Variants in MEI4 observed in about 807,000 individuals in gnomAD.
MEI4 encodes the protein meiosis-specific protein MEI4.
Under a neutral mutation model 31.4 loss-of-function variants are expected in MEI4, and 27 were observed. The observed-to-expected ratio is 0.86, with a 90% confidence interval of 0.63 to 1.19. The LOEUF (loss-of-function observed/expected upper bound fraction) is 1.19, where lower values mean the gene tolerates loss of function less well. Among genes scored for constraint, MEI4 ranks in the 50% most tolerant of loss-of-function variants. MEI4 has a pLI of 0.00. For missense variants in MEI4, 329 were observed against 398.9 expected (o/e 0.82, Z 1.49); for synonymous variants, 122 against 145.4 (o/e 0.84, Z 1.16).
intron 4 of MEI4, among the ~76,000 whole-genome samples, chr6:77,849,989 T>C (rs1770577258): frequency 6.6e-6 from 1 of 152,210 alleles, no homozygotes; most frequent in Non-Finnish European, 1.5e-5. Context: ...AATAGCAATT[T>C]TATGTCTGTT....
At chr6:77,887,337 G>A (rs1347989122) in intron 4 of MEI4, among the ~76,000 whole-genome samples, 1 of 151,444 alleles carries the variant, frequency 6.6e-6, no homozygotes, top group Non-Finnish European at 1.5e-5. Context: ...TGTCGCCCAG[G>A]TTGGAGTGGA....
In MEI4 at chr6:77,924,828, A is replaced by G. The variant is rs865926832; in HGVS notation, c.*1482A>G. On this transcript the variant is annotated 3_prime_UTR_variant, in exon 5 of 5. Transcript: ENST00000684080. The stretch of plus-strand genomic sequence containing the variant: ...TCAAGCCCAAAGAAAAGTGACTGAC[A>G]GGGGAGTAGACTTGAGTGGGAGAAC... 25 of 151,916 alleles carry G rather than the reference A, an allele frequency of 1.6e-4. No individual in the cohort carries two copies. The highest frequency in any genetic ancestry group is 6.0e-4 in the African/African-American group (25 of 41,412). 9.4% of individuals were successfully genotyped at this position (151,916 alleles called of 1,614,324 possible). A position where few individuals can be genotyped will look rare whatever the true frequency, so the allele number is the denominator to read the frequency against.
chr6:77,849,004 C>G (rs1362542393), intron 4 of MEI4, among the ~76,000 whole-genome samples: 3 of 151,330 alleles, frequency 2.0e-5, no homozygotes, highest in Non-Finnish European at 4.4e-5. Context: ...AGTAGGTCAT[C>G]AATAATTATT....
At position 77,742,949 on chromosome 6, in the gene MEI4, C is replaced by T. The variant is rs1037001685; in HGVS notation, c.233-18181C>T. Among the ~76,000 whole-genome samples, 2 of 152,092 alleles carry T rather than the reference C, an allele frequency of 1.3e-5. 1 individual carries two copies. The highest frequency in any genetic ancestry group is 1.3e-4 in the Admixed American group (2 of 15,272). On this transcript the variant is annotated intron_variant, in intron 2 of 4. Transcript: ENST00000684080. ...TAGTTGTAGATATGCGGCGTTATTT[C>T]TTAGGGCTCTGTTCTGTTCCATTGA...
rs1259023325 is a variant in MEI4 at position 77,926,353 on chromosome 6, G to A, written c.*3007G>A. The A allele has an allele frequency of 6.6e-6, 1 of 151,950 alleles. No homozygotes were observed. Among genetic ancestry groups the A allele is most frequent in the African/African-American group, 2.4e-5 (1 of 41,424 alleles). The allele number at this position is 151,950 out of a possible 1,614,324, so 9.4% of individuals were successfully genotyped here. A position where few individuals can be genotyped will look rare whatever the true frequency, so the allele number is the denominator to read the frequency against. On this transcript the variant is annotated 3_prime_UTR_variant, in exon 5 of 5. Coordinates refer to ENST00000684080, the MANE Select transcript of MEI4 (RefSeq NM_001322247.2). ...TCTTGCTACTCAAGACTGTAGCCAA[G>A]TTACAGATTGTCTTCAAACGATAAT...
chr6:77,800,750 CAT>C (rs1392906303), intron 3 of MEI4, among the ~76,000 whole-genome samples: 4 of 152,236 alleles, frequency 2.6e-5, no homozygotes, highest in East Asian at 1.9e-4. Context: ...TTGAGATAAT[CAT>C]GTGGTTTTTT....
chr6:77,756,880 G>T (rs1375060569), intron 2 of MEI4, among the ~76,000 whole-genome samples: 5 of 152,168 alleles, frequency 3.3e-5, no homozygotes, highest in Non-Finnish European at 5.9e-5. Context: ...TGCTACAGAT[G>T]ATTCTATTGT....
In MEI4 at chr6:77,852,875, G is replaced by A. The variant is rs527519849; in HGVS notation, c.900+23813G>A. Among the ~76,000 whole-genome samples the A allele has an allele frequency of 1.5e-4, 23 of 152,166 alleles. No individual in the cohort carries two copies. In the East Asian group the frequency reaches 4.3e-3, roughly 28 times the overall value. ...ACAAACATTCAGACCATAAAACTAT[G>A]TATAGGAAAAGAAATCAATAAAGCC... is the stretch of plus-strand genomic sequence containing the variant. On this transcript the variant is annotated intron_variant, in intron 4 of 4. Coordinates refer to ENST00000684080, the MANE Select transcript of MEI4 (RefSeq NM_001322247.2).
intron 2 of MEI4, among the ~76,000 whole-genome samples, chr6:77,733,760 C>T (rs1402672563): frequency 6.6e-6 from 1 of 151,960 alleles, no homozygotes; most frequent in African/African-American, 2.4e-5. Flanking sequence ...CTCTTGTGGG[C>T]ATTTAGTGCT....
rs952154335 is a variant in MEI4 at position 77,671,798 on chromosome 6, A to G, written c.-15+18706A>G. Among the ~76,000 whole-genome samples the G allele has an allele frequency of 2.0e-5, 3 of 152,150 alleles. No individual in the cohort carries two copies. The East Asian group carries it at 5.8e-4, about 29-fold the overall frequency. On this transcript the variant is annotated intron_variant, in intron 1 of 4. Transcript: ENST00000684080. ...CAGGGCAGGGGAGGCAGAAATTCAG[A>G]TGTGTTTAGGACCTATACATAGGAG...
At chr6:77,864,124 A>C (rs1197612748) in intron 4 of MEI4, among the ~76,000 whole-genome samples, 1 of 152,208 alleles carries the variant, frequency 6.6e-6, no homozygotes, top group Non-Finnish European at 1.5e-5. Flanking sequence ...CACTGCAAAA[A>C]CATGCCAAAT....
intron 2 of MEI4, among the ~76,000 whole-genome samples, chr6:77,730,171 C>T (rs918647521): frequency 4.6e-5 from 7 of 151,812 alleles, no homozygotes; most frequent in Admixed American, 3.9e-4. Flanking sequence ...GTGTGTTTGG[C>T]GTGTACAGTG....
At chr6:77,687,157 T>A (rs905133414) in intron 1 of MEI4, among the ~76,000 whole-genome samples, 12 of 152,152 alleles carry the variant, frequency 7.9e-5, no homozygotes, top group African/African-American at 2.9e-4. Context: ...GTTACTATGG[T>A]AAGAACTGCT....
chr6:77,747,412 C>A (rs892323246), intron 2 of MEI4, among the ~76,000 whole-genome samples: 1 of 152,068 alleles, frequency 6.6e-6, no homozygotes, highest in Non-Finnish European at 1.5e-5. Flanking sequence ...GGCTAGGGAG[C>A]CCTCAGGAAA....
chr6:77,655,928 A>G (rs1464169860), intron 1 of MEI4, among the ~76,000 whole-genome samples: 2 of 152,204 alleles, frequency 1.3e-5, no homozygotes, highest in Non-Finnish European at 2.9e-5. Context: ...ATTGTCTTTA[A>G]GGAAATGTTC....
chr6:77,730,852 C>A (rs899854763), intron 2 of MEI4, among the ~76,000 whole-genome samples: 2 of 148,566 alleles, frequency 1.3e-5, no homozygotes, highest in Non-Finnish European at 3.0e-5. Context: ...TGTTCAATTC[C>A]CGCCTATGAG....
intron 4 of MEI4, among the ~76,000 whole-genome samples, chr6:77,905,234 C>T (rs1766267350): frequency 6.6e-6 from 1 of 151,962 alleles, no homozygotes; most frequent in African/African-American, 2.4e-5. Context: ...ATTTTGTATA[C>T]ATCATCTCTC....
chr6:77,742,395 GT>G (rs1767434921), intron 2 of MEI4, among the ~76,000 whole-genome samples: 2 of 152,110 alleles, frequency 1.3e-5, no homozygotes, highest in South Asian at 2.1e-4. Context: ...TTTTTCCTGT[GT>G]TTTTTGGCTG....
At chr6:77,821,889 T>G (rs1415334213) in intron 3 of MEI4, among the ~76,000 whole-genome samples, 2 of 112,986 alleles carry the variant, frequency 1.8e-5, no homozygotes, top group Non-Finnish European at 4.2e-5. Flanking sequence ...ACATTAGATC[T>G]TTACCAGTCT....
Sources: allele counts gnomAD v4.1 joint callset (sites outside exome capture counted in the v4.1 genomes callset), GRCh38; gene constraint gnomAD v4.1.1; transcripts MANE v1.5; gene names NCBI Gene and HGNC (gene_info 2026-07-23, HGNC 2026-07-21).